Variants in AXDND1 observed in about 807,000 individuals in gnomAD.
AXDND1 encodes the protein axonemal dynein light chain domain-containing protein 1.
Under a neutral mutation model 137.5 loss-of-function variants are expected in AXDND1, and 110 were observed. The observed-to-expected ratio is 0.80, with a 90% CI of 0.69 to 0.94. The LOEUF (loss-of-function observed/expected upper bound fraction) is 0.94, where lower values mean the gene tolerates loss of function less well. Ranked by LOEUF, AXDND1 falls within the 40% of genes least tolerant of loss-of-function variation. The probability of loss-of-function intolerance (pLI) is 0.00; values close to 1 mark genes in which losing one functional copy is unlikely to be tolerated. For missense variants in AXDND1, 1,191 were observed against 1,169.8 expected, an observed-to-expected ratio of 1.02 and a Z score of -0.26; for synonymous variants, 414 against 399.7, an observed-to-expected ratio of 1.04 and a Z score of -0.43.
At chr1:179,503,187 T>A (rs1283952863) in intron 20 of AXDND1, among the ~76,000 whole-genome samples, 1 of 151,950 alleles carries the variant, frequency 6.6e-6, no homozygotes, top group Non-Finnish European at 1.5e-5. Context: ...GAATAAATAT[T>A]ATGAATATTA....
At chr1:179,379,279 C>T (rs918821730) in intron 5 of AXDND1, 118 bp from the exon 6 acceptor site, 30 of 1,091,304 alleles carry the variant, frequency 2.7e-5, no homozygotes, top group Non-Finnish European at 1.8e-5. Flanking sequence ...TTTCTCCAAT[C>T]AAAATTTTTC....
chr1:179,432,133 G>A (rs1310849845), intron 14 of AXDND1, 134 bp from the exon 15 acceptor site: 19 of 1,143,458 alleles, frequency 1.7e-5, no homozygotes, highest in Middle Eastern at 3.2e-4. Context: ...TGGGGAGAGG[G>A]GCTGGACCTG....
In AXDND1 at chr1:179,491,621, T is replaced by C. The variant is rs377022892; in HGVS notation, c.2175T>C (p.Cys725=). Residue 725 remains cysteine, a synonymous_variant, in exon 19 of 26, where the codon TGT becomes TGC. Coordinates refer to ENST00000367618, the MANE Select transcript of AXDND1 (RefSeq NM_144696.6). Reference sequence around the variant, plus strand: ...TACCCAACTTTACTGACCAAGACTGTCTCCTAAAGTTGGAGGAGGAAAGTG... The same window carrying C: ...TACCCAACTTTACTGACCAAGACTGCCTCCTAAAGTTGGAGGAGGAAAGTG... ...LMIPNFTDQD[C]LLKLEEESAE... The C allele has an allele frequency of 1.9e-6, 3 of 1,613,538 alleles. No homozygotes were observed. Among genetic ancestry groups the C allele is most frequent in the African/African-American group, 2.7e-5 (2 of 74,890 alleles).
intron 25 of AXDND1, among the ~76,000 whole-genome samples, chr1:179,537,244 A>G (rs943070158): frequency 3.9e-5 from 6 of 152,132 alleles, no homozygotes; most frequent in Non-Finnish European, 8.8e-5. Context: ...TTCCAACACT[A>G]TGTCGAATAG....
chr1:179,447,439 A>C (rs1659898192), intron 16 of AXDND1: 1 of 387,580 alleles, frequency 2.6e-6, no homozygotes, highest in Non-Finnish European at 4.6e-6. Flanking sequence ...TTGTGTATTT[A>C]AGATAGTGTT....
chr1:179,523,954 G>A (rs561730986), intron 21 of AXDND1, among the ~76,000 whole-genome samples: 91 of 152,086 alleles, frequency 6.0e-4, no homozygotes, highest in African/African-American at 2.1e-3. Flanking sequence ...GAGTGAGAAC[G>A]TACAATATTT....
At chr1:179,523,847 T>G (rs1670295122) in intron 21 of AXDND1, among the ~76,000 whole-genome samples, 1 of 152,124 alleles carries the variant, frequency 6.6e-6, no homozygotes, top group African/African-American at 2.4e-5. Context: ...GTGTAGTCTT[T>G]TATCCCTCCT....
intron 18 of AXDND1, among the ~76,000 whole-genome samples, chr1:179,485,361 A>G (rs1665917530): frequency 6.6e-6 from 1 of 152,196 alleles, no homozygotes; most frequent in African/African-American, 2.4e-5. Flanking sequence ...GAGGGGCCAG[A>G]TAACAAAGCT....
intron 19 of AXDND1, 45 bp from the exon 20 acceptor site, chr1:179,492,810 G>A (rs72704430): frequency 0.06 from 78,277 of 1,294,618 alleles, 2,793 homozygotes; most frequent in Middle Eastern, 0.082. Context: ...TATGCTGAGT[G>A]TGTATTTGCT....
intron 15 of AXDND1, among the ~76,000 whole-genome samples, chr1:179,434,540 G>A (rs1657857256): frequency 6.6e-6 from 1 of 152,144 alleles, no homozygotes; most frequent in Admixed American, 6.5e-5. Flanking sequence ...ATGCAAGGGT[G>A]ATTCAACATA....
chr1:179,432,228 G>A (rs1271428234), intron 14 of AXDND1, 39 bp from the exon 15 acceptor site: 5 of 1,492,692 alleles, frequency 3.3e-6, no homozygotes, highest in Non-Finnish European at 4.5e-6. Flanking sequence ...TTTATGTCTT[G>A]TTCTGAGATG....
chr1:179,502,847 G>A (rs1668147450), intron 20 of AXDND1, among the ~76,000 whole-genome samples: 1 of 151,928 alleles, frequency 6.6e-6, no homozygotes, highest in African/African-American at 2.4e-5. Context: ...TGTAATCCCA[G>A]CACTTTGGGA....
chr1:179,494,475 T>C (rs1449309841), intron 20 of AXDND1, among the ~76,000 whole-genome samples: 1 of 152,208 alleles, frequency 6.6e-6, no homozygotes, highest in African/African-American at 2.4e-5. Flanking sequence ...GCTGTTTTTT[T>C]TCTCGATACC....
At chr1:179,392,202 A>T (rs540936032) in intron 9 of AXDND1, among the ~76,000 whole-genome samples, 1 of 152,218 alleles carries the variant, frequency 6.6e-6, no homozygotes, top group Non-Finnish European at 1.5e-5. Flanking sequence ...CTTAGCTCCT[A>T]TTTATAAGTG....
At chr1:179,442,601 C>G (rs534640777) in intron 15 of AXDND1, among the ~76,000 whole-genome samples, 20 of 152,304 alleles carry the variant, frequency 1.3e-4, no homozygotes, top group African/African-American at 3.6e-4. Context: ...CTTCAACAGA[C>G]AAATTCTGCT....
chr1:179,486,401 A>G (rs754453714), intron 18 of AXDND1, among the ~76,000 whole-genome samples: 2 of 152,216 alleles, frequency 1.3e-5, no homozygotes. Context: ...TTTGGAAAGC[A>G]TATTTCAGGA....
At chr1:179,501,919 TAAG>T (rs1668041107) in intron 20 of AXDND1, among the ~76,000 whole-genome samples, 1 of 152,010 alleles carries the variant, frequency 6.6e-6, no homozygotes, top group East Asian at 1.9e-4. Context: ...AAGTAAGAGA[TAAG>T]AAGCACTAAC....
intron 9 of AXDND1, among the ~76,000 whole-genome samples, chr1:179,391,699 G>A (rs980783186): frequency 1.3e-5 from 2 of 151,918 alleles, no homozygotes; most frequent in Non-Finnish European, 2.9e-5. Flanking sequence ...ACCATGCCCA[G>A]CTAATTTTTT....
rs368998259 is a variant in AXDND1, at chr1:179,379,403, A to T, written c.502A>T (p.Thr168Ser). ...GCTTTTCTTTTCTTTTAAGCCAAAGACACTAACAGATACTTTGATTCCTGA... is the reference window on the plus strand; with the variant it reads ...GCTTTTCTTTTCTTTTAAGCCAAAGTCACTAACAGATACTTTGATTCCTGA... ...DGVIVPHKPK[T>S]LTDTLIPEEF... Residue 168 changes from threonine (T) to serine (S), a missense_variant, in exon 6 of 26, where the codon ACA becomes TCA. Physicochemically the swap from Thr to Ser is moderately conservative, Grantham distance 58. Transcript: ENST00000367618. 49 of 1,613,164 alleles carry T rather than the reference A, an allele frequency of 3.0e-5. No individual in the cohort carries two copies. The highest frequency in any genetic ancestry group is 4.1e-5 in the Non-Finnish European group (48 of 1,179,624).
Sources: gnomAD v4.1 joint callset for allele counts (sites outside exome capture counted in the v4.1 genomes callset) on GRCh38, gnomAD v4.1.1 for gene constraint, MANE v1.5 for transcripts, NCBI Gene and HGNC (gene_info 2026-07-23, HGNC 2026-07-21) for gene names.